The following DDTL variants were observed in gnomAD, a reference collection of about 807,000 sequenced individuals.
DDTL encodes the protein D-dopachrome tautomerase like.
In DDTL, 1 loss-of-function variant was observed where a neutral mutation model predicts 1.1. The ratio of observed to expected loss-of-function variants is 0.91; its 90% confidence interval spans 0.32 to 4.31. DDTL has a LOEUF of 4.31. Ranked by LOEUF, DDTL falls within the 30% of genes most tolerant of loss-of-function variation. The pLI, the probability that DDTL is intolerant of heterozygous loss-of-function variation, is 0.17. For synonymous variants in DDTL, 21 were observed against 16.6 expected (o/e 1.26, Z -0.64); for missense variants, 54 against 48.9 (o/e 1.10, Z -0.31).
At position 23,969,853 on chromosome 22, in the gene DDTL, TA is replaced by T. The variant is rs2033866985; in HGVS notation, c.285-1430del. On this transcript the variant is annotated intron_variant, in intron 2 of 2. Transcript: ENST00000215770. ...GTTTTGCTTTCAACAGACACTCCAATAAAGTACACGAAATAAAGAATAAAGT... is the reference window on the plus strand; with the variant it reads ...GTTTTGCTTTCAACAGACACTCCAATAAGTACACGAAATAAAGAATAAAGT... 5.1e-6 allele frequency: 5 copies of T among 985,562 alleles called. No individual in the cohort carries two copies. In the South Asian group the frequency reaches 2.3e-4, roughly 46 times the overall value. 61.1% of individuals were successfully genotyped at this position (985,562 alleles called of 1,614,324 possible).
chr22:23,969,389 A>C (rs1275515607), intron 2 of DDTL: 4 of 983,616 alleles, frequency 4.1e-6, no homozygotes, highest in African/African-American at 1.8e-5. Context: ...AATTAGGAGG[A>C]GGCAGATTGC....
chr22:23,971,309 GC>G lies in DDTL; in HGVS notation c.311del (p.Pro104LeufsTer13), dbSNP rs780107124. 6.2e-7 allele frequency: 1 copy of G among 1,613,760 alleles called. No homozygotes were observed. Among genetic ancestry groups the G allele is most frequent in the Non-Finnish European group, 8.5e-7 (1 of 1,179,890 alleles). On this transcript the variant is annotated frameshift_variant, in exon 3 of 3. Transcript: ENST00000215770. LOFTEE classifies it low-confidence loss of function (END_TRUNC). ...AGGTTCCCTACGGTCTTATCCACCAGCCCTGCTGCCCATGGTGGCCCCAGAT... is the reference window on the plus strand; with the variant it reads ...AGGTTCCCTACGGTCTTATCCACCAGCCTGCTGCCCATGGTGGCCCCAGAT... ...QDRFPTVLST[S>X]PAAHGGPRCP...
At chr22:23,970,211 C>T (rs2033874165) in intron 2 of DDTL, among the ~76,000 whole-genome samples, 1 of 152,082 alleles carries the variant, frequency 6.6e-6, no homozygotes, top group Non-Finnish European at 1.5e-5. Context: ...GGCTTTTGGC[C>T]ATGTGACTGA....
Position 23,971,388 on chromosome 22 carries a change from C to A in DDTL, c.387C>A (p.Leu129=). Residue 129 remains leucine, a synonymous_variant, in exon 3 of 3, where the codon CTC becomes CTA. Coordinates refer to ENST00000215770, the MANE Select transcript of DDTL (RefSeq NM_001084393.2). ...AGTCATGTTTGAATGAGGAAGCTCT[C>A]TTCATTTATTTCATATGAGGATGAA... The part of the protein sequence containing the change: ...GKKSCLNEEA[L]FIYFI 1 of 1,613,864 alleles carries A rather than the reference C, an allele frequency of 6.2e-7. No individual in the cohort carries two copies. Among genetic ancestry groups the A allele is most frequent in the Non-Finnish European group, 8.5e-7 (1 of 1,179,884 alleles).
chr22:23,969,824 G>A (rs1456840400), intron 2 of DDTL: 28 of 985,796 alleles, frequency 2.8e-5, no homozygotes, highest in Non-Finnish European at 3.4e-5. Context: ...TTCCTAATTG[G>A]ATGGTTTTGC....
At chr22:23,970,655 GTA>G (rs1445720038) in intron 2 of DDTL, among the ~76,000 whole-genome samples, 2 of 152,272 alleles carry the variant, frequency 1.3e-5, no homozygotes, top group East Asian at 1.9e-4. Context: ...TGGTATGATT[GTA>G]TATGTGTGTG....
chr22:23,969,295 C>G, intron 2 of DDTL: 1 of 985,510 alleles, frequency 1.0e-6, no homozygotes, highest in Non-Finnish European at 1.2e-6. Context: ...GCTTATGGCA[C>G]AGACATTAGT....
chr22:23,971,753 C>T lies in DDTL; in HGVS notation c.*347C>T. The T allele has an allele frequency of 2.6e-6, 2 of 759,516 alleles. No homozygotes were observed. Among genetic ancestry groups the T allele is most frequent in the Non-Finnish European group, 2.1e-6 (1 of 471,126 alleles). The allele number at this position is 759,516 out of a possible 1,614,324, so 47.0% of individuals were successfully genotyped here. A position where few individuals can be genotyped will look rare whatever the true frequency, so the allele number is the denominator to read the frequency against. ...TCAGTCCACCAGGCATTTTGCAAAC[C>T]TGCTCATCCCAATAATGATTTTCCC... On this transcript the variant is annotated 3_prime_UTR_variant, in exon 3 of 3. Transcript: ENST00000215770.
At chr22:23,969,763 A>G in intron 2 of DDTL, 1 of 985,760 alleles carries the variant, frequency 1.0e-6, no homozygotes, top group African/African-American at 1.7e-5. Context: ...AGGCTGCAAT[A>G]ATCTGAGTTT....
rs1025815247 is a variant in DDTL at position 23,971,173 on chromosome 22, C to G, written c.285-113C>G. On this transcript the variant is annotated intron_variant, in intron 2 of 2. Coordinates refer to ENST00000215770, the MANE Select transcript of DDTL (RefSeq NM_001084393.2). The stretch of plus-strand genomic sequence containing the variant: ...TCAGCAGTCTGCAGGAAGGCCCCAG[C>G]TGGACCAGCTGCTCACACCTTCCCA... The G allele has an allele frequency of 8.1e-6, 12 of 1,481,998 alleles. No homozygotes were observed. The Admixed American group carries it at 9.1e-5, about 11-fold the overall frequency. 91.8% of individuals were successfully genotyped at this position (1,481,998 alleles called of 1,614,324 possible). A position where few individuals can be genotyped will look rare whatever the true frequency, so the allele number is the denominator to read the frequency against.
chr22:23,971,206 G>C, intron 2 of DDTL, 80 bp from the exon 3 acceptor site: 2 of 1,525,992 alleles, frequency 1.3e-6, no homozygotes, highest in Non-Finnish European at 1.8e-6. Context: ...CCACAGGCCT[G>C]CAGATGGGTG....
Position 23,971,554 on chromosome 22 carries a change from T to C in DDTL, c.*148T>C. The C allele has an allele frequency of 6.2e-7, 1 of 1,613,966 alleles. No individual in the cohort carries two copies. The highest frequency in any genetic ancestry group is 8.5e-7 in the Non-Finnish European group (1 of 1,179,954). On this transcript the variant is annotated 3_prime_UTR_variant, in exon 3 of 3. Coordinates refer to ENST00000215770, the MANE Select transcript of DDTL (RefSeq NM_001084393.2). ...CCCTGGATCCCTCCGTGCCCAATCA[T>C]AAAAAAGTCATGACCGTCCCTATCT...
At position 23,971,187 on chromosome 22, in the gene DDTL, C is replaced by T. The variant is rs116947680; in HGVS notation, c.285-99C>T. 3.4e-3 allele frequency: 5,185 copies of T among 1,505,738 alleles called. 48 individuals carry two copies. In the East Asian group the frequency reaches 0.035, roughly 10 times the overall value. 93.3% of individuals were successfully genotyped at this position (1,505,738 alleles called of 1,614,324 possible). The stretch of plus-strand genomic sequence containing the variant: ...GAAGGCCCCAGCTGGACCAGCTGCT[C>T]ACACCTTCCCACAGGCCTGCAGATG... On this transcript the variant is annotated intron_variant, in intron 2 of 2. Transcript: ENST00000215770.
chr22:23,971,256 A>T (rs758496298), intron 2 of DDTL, 30 bp from the exon 3 acceptor site: 14 of 1,593,240 alleles, frequency 8.8e-6, no homozygotes, highest in Non-Finnish European at 1.2e-5. Flanking sequence ...CCAGCCCCAG[A>T]TCTGAGCAGT....
Position 23,971,515 on chromosome 22 carries a change from C to A in DDTL, c.*109C>A. 1 of 1,611,770 alleles carries A rather than the reference C, an allele frequency of 6.2e-7. No homozygotes were observed. Among genetic ancestry groups the A allele is most frequent in the Non-Finnish European group, 8.5e-7 (1 of 1,178,552 alleles). On this transcript the variant is annotated 3_prime_UTR_variant, in exon 3 of 3. Coordinates refer to ENST00000215770, the MANE Select transcript of DDTL (RefSeq NM_001084393.2). ...CAAGAGATCTCTCTGGAAGAAGCAGCCAGTTCACAGATGCCCTGGATCCCT... is the reference window on the plus strand; with the variant it reads ...CAAGAGATCTCTCTGGAAGAAGCAGACAGTTCACAGATGCCCTGGATCCCT...
intron 2 of DDTL, 77 bp from the exon 3 acceptor site, chr22:23,971,209 G>A: frequency 6.5e-7 from 1 of 1,527,814 alleles, no homozygotes; most frequent in Non-Finnish European, 8.8e-7. Context: ...CAGGCCTGCA[G>A]ATGGGTGTGG....
In DDTL at chr22:23,970,145, C is replaced by T. The variant is rs146700008; in HGVS notation, c.285-1141C>T. 3.7e-3 allele frequency among the ~76,000 whole-genome samples: 567 copies of T among 152,204 alleles called. 4 individuals are homozygous for T. The highest frequency in any genetic ancestry group is 5.7e-3 in the Non-Finnish European group (388 of 67,994). On this transcript the variant is annotated intron_variant, in intron 2 of 2. Transcript: ENST00000215770. ...CAGCAGTCCAGGCATGGGAAGGGGA[C>T]GCTGAGGGCCAAAGGCGGAGGTGAC...
rs541496971 is a variant in DDTL at position 23,971,157 on chromosome 22, T to C, written c.285-129T>C. ...GGACAGGAGCCTCAGGTCAGCAGTCTGCAGGAAGGCCCCAGCTGGACCAGC... is the reference window on the plus strand; with the variant it reads ...GGACAGGAGCCTCAGGTCAGCAGTCCGCAGGAAGGCCCCAGCTGGACCAGC... On this transcript the variant is annotated intron_variant, in intron 2 of 2. Coordinates refer to ENST00000215770, the MANE Select transcript of DDTL (RefSeq NM_001084393.2). 1.9e-5 allele frequency: 26 copies of C among 1,399,602 alleles called. No homozygotes were observed. In the African/African-American group the frequency reaches 2.0e-4, roughly 11 times the overall value. 86.7% of individuals were successfully genotyped at this position (1,399,602 alleles called of 1,614,324 possible). A position where few individuals can be genotyped will look rare whatever the true frequency, so the allele number is the denominator to read the frequency against.
intron 2 of DDTL, among the ~76,000 whole-genome samples, chr22:23,970,986 G>A (rs1319990560): frequency 1.3e-5 from 2 of 150,950 alleles, no homozygotes; most frequent in Admixed American, 6.6e-5. Context: ...GAAAACCAGC[G>A]ACCAACCCCC....
Sources: gnomAD v4.1 joint callset for allele counts (sites outside exome capture counted in the v4.1 genomes callset) on GRCh38, gnomAD v4.1.1 for gene constraint, MANE v1.5 for transcripts, NCBI Gene and HGNC (gene_info 2026-07-23, HGNC 2026-07-21) for gene names.